Variants in RYR1 observed in about 807,000 individuals in gnomAD.
RYR1 encodes the protein central core disease of muscle.
A neutral mutation model predicts 583.5 loss-of-function variants in RYR1; 342 were observed. That is an observed-to-expected ratio of 0.59 (90% CI 0.54 to 0.64). The LOEUF is 0.64. Among genes scored for constraint, RYR1 ranks in the 30% least tolerant of loss-of-function variants. RYR1 has a pLI of 0.00. For missense variants in RYR1, 6,032 were observed against 6,917.2 expected (o/e 0.87, Z 4.54); for synonymous variants, 2,791 against 2,822.5 (o/e 0.99, Z 0.35).
rs1970081906 is a variant in RYR1 at position 38,500,853 on chromosome 19, TC to T, written c.7479del (p.Phe2494SerfsTer37). 1 of 1,501,816 alleles carries T rather than the reference TC, an allele frequency of 6.7e-7. No homozygotes were observed. Among genetic ancestry groups the T allele is most frequent in the Non-Finnish European group, 9.0e-7 (1 of 1,109,876 alleles). The allele number at this position is 1,501,816 out of a possible 1,614,324, so 93.0% of individuals were successfully genotyped here. A position where few individuals can be genotyped will look rare whatever the true frequency, so the allele number is the denominator to read the frequency against. On this transcript the variant is annotated frameshift_variant, in exon 47 of 106. Coordinates refer to ENST00000359596, the MANE Select transcript of RYR1 (RefSeq NM_000540.3). LOFTEE classifies it high-confidence loss of function. This position sits in a 1 kb window ranked among gnomAD's most constrained non-coding sequence, Gnocchi z 5.9. Reference protein sequence around the residue: ...GALVQPKMSASFVPDHKASMV... With the variant: ...GALVQPKMSAXFVPDHKASMV... ...TCTGGTGCAGCCAAAGATGTCAGCA[TC>T]CTTCGTGCCGGACCACAAGGCGTCC... is the stretch of plus-strand genomic sequence containing the variant.
chr19:38,517,452 G>A lies in RYR1; in HGVS notation c.9779G>A (p.Gly3260Asp), dbSNP rs1291603031. Residue 3260 changes from glycine (G) to aspartate (D), a missense_variant, in exon 66 of 106, where the codon GGT (glycine) becomes GAT (aspartate). Around this residue, in one of 11 missense-constraint regions of RYR1, gnomAD observed 1,493 missense variants for 1,715.5 expected, o/e 0.87. Transcript: ENST00000359596. ...GACATTGGGGGGCTGGCCGAGTCAG[G>A]TGCCCGCTACACAGAGATGCCGCAT... is the stretch of plus-strand genomic sequence containing the variant. ...MADIGGLAES[G>D]ARYTEMPHVI... 6.2e-7 allele frequency: 1 copy of A among 1,614,070 alleles called. No individual in the cohort carries two copies. The highest frequency in any genetic ancestry group is 1.7e-5 in the Admixed American group (1 of 60,010).
chr19:38,567,100 T>C, intron 92 of RYR1, 113 bp downstream of exon 92: 1 of 1,520,856 alleles, frequency 6.6e-7, no homozygotes, highest in Non-Finnish European at 8.8e-7. Flanking sequence ...GTCCTCGGCA[T>C]CACCCAGCCC....
intron 13 of RYR1, among the ~76,000 whole-genome samples, chr19:38,453,234 A>G (rs1343604176): frequency 1.3e-5 from 2 of 149,724 alleles, no homozygotes; most frequent in Non-Finnish European, 3.0e-5. Context: ...GCTGGTGGGC[A>G]GGACCTTTGG....
chr19:38,548,303 G>A lies in RYR1; in HGVS notation c.12165G>A (p.Glu4055=). Residue 4055 remains glutamate, a synonymous_variant, in exon 89 of 106, where the codon GAG becomes GAA. Coordinates refer to ENST00000359596, the MANE Select transcript of RYR1 (RefSeq NM_000540.3). The part of the protein sequence containing the change: ...DMLVESSSNV[E]MILKFFDMFL... ...TCGTGGAATCCTCATCCAATGTGGA[G>A]ATGATCCTCAAGTTCTTCGACATGT... 6.2e-7 allele frequency: 1 copy of A among 1,614,242 alleles called. No individual in the cohort carries two copies. The highest frequency in any genetic ancestry group is 8.5e-7 in the Non-Finnish European group (1 of 1,180,054).
Position 38,510,767 on chromosome 19 carries a change from G to C in RYR1, c.9108G>C (p.Lys3036Asn). ...GTGGCCACGCCTCTAACAAGGAGAA[G>C]GAAATGATCACCAGGTGGGCCGCCT... is the stretch of plus-strand genomic sequence containing the variant. Reference protein sequence around the residue: ...GSGGHASNKEKEMITSLFCKL... With the variant: ...GSGGHASNKENEMITSLFCKL... Residue 3036 changes from lysine (K) to asparagine (N), a missense_variant, in exon 60 of 106, where the codon AAG becomes AAC. Around this residue, in one of 11 missense-constraint regions of RYR1, gnomAD observed 1,493 missense variants for 1,715.5 expected, o/e 0.87. Coordinates refer to ENST00000359596, the MANE Select transcript of RYR1 (RefSeq NM_000540.3). 1 of 1,614,200 alleles carries C rather than the reference G, an allele frequency of 6.2e-7. No individual in the cohort carries two copies. The highest frequency in any genetic ancestry group is 8.5e-7 in the Non-Finnish European group (1 of 1,180,036).
intron 105 of RYR1, among the ~76,000 whole-genome samples, 192 bp downstream of exon 105, chr19:38,586,768 C>A (rs1019017329): frequency 2.6e-5 from 4 of 152,158 alleles, no homozygotes; most frequent in African/African-American, 9.7e-5. Context: ...GTCAGGAGTT[C>A]AAGACCAGCC....
At chr19:38,580,775 A>G (rs1974167778) in intron 101 of RYR1, among the ~76,000 whole-genome samples, 1 of 152,180 alleles carries the variant, frequency 6.6e-6, no homozygotes, top group Non-Finnish European at 1.5e-5. Flanking sequence ...TGGTCCCAGC[A>G]GTTTGAGGCT....
intron 66 of RYR1, 24 bp downstream of exon 66, chr19:38,517,715 C>CT (rs1421470157): frequency 3.7e-6 from 6 of 1,608,318 alleles, no homozygotes; most frequent in Non-Finnish European, 5.1e-6. Flanking sequence ...CACTGGGCCT[C>CT]TGAGGGGTGG....
In RYR1 at chr19:38,448,635, C is replaced by G. The variant is rs759562023; in HGVS notation, c.958-14C>G. 1.1e-5 allele frequency: 17 copies of G among 1,614,050 alleles called. No individual in the cohort carries two copies. The African/African-American group carries it at 2.0e-4, about 19-fold the overall frequency. Reference sequence around the variant, plus strand: ...CAGGCAGAGGAGGCTGACCTGTGTCCCCTGCCCCTGTAGGAGAAGCTGGAT... The same window carrying G: ...CAGGCAGAGGAGGCTGACCTGTGTCGCCTGCCCCTGTAGGAGAAGCTGGAT... On this transcript the variant is annotated splice_polypyrimidine_tract_variant and intron_variant, in intron 10 of 105. Coordinates refer to ENST00000359596, the MANE Select transcript of RYR1 (RefSeq NM_000540.3).
chr19:38,528,742 C>A, intron 75 of RYR1, 47 bp downstream of exon 75: 1 of 1,596,238 alleles, frequency 6.3e-7, no homozygotes, highest in East Asian at 2.2e-5. Flanking sequence ...CTGGATAGGG[C>A]TGGGGCGGAG....
At chr19:38,552,770 A>G (rs1370935527) in intron 89 of RYR1, among the ~76,000 whole-genome samples, 1 of 152,170 alleles carries the variant, frequency 6.6e-6, no homozygotes, top group African/African-American at 2.4e-5. Flanking sequence ...TGGGGGTCTC[A>G]GCCCTACTCT....
intron 11 of RYR1, among the ~76,000 whole-genome samples, chr19:38,451,437 G>A (rs1967070081): frequency 6.6e-6 from 1 of 152,130 alleles, no homozygotes; most frequent in South Asian, 2.1e-4. Flanking sequence ...AGGTACAGGT[G>A]GAAAGGGTCT....
rs780827157 is a variant in RYR1, at chr19:38,496,823, A to T, written c.6797-37A>T. On this transcript the variant is annotated intron_variant, in intron 41 of 105. Transcript: ENST00000359596. The surrounding 1 kb of genome is among the most constrained non-coding windows in gnomAD (Gnocchi z 4.8). ...GCTTCCCAGAGGAGGCGAGACAAGC[A>T]GGAGTGAGATGTTCTCCCCACCTCT... 1.3e-6 allele frequency: 2 copies of T among 1,578,114 alleles called. No homozygotes were observed. The highest frequency in any genetic ancestry group is 4.5e-5 in the East Asian group (2 of 44,698).
At chr19:38,576,631 G>A (rs1014444787) in intron 97 of RYR1, among the ~76,000 whole-genome samples, 1 of 151,946 alleles carries the variant, frequency 6.6e-6, no homozygotes, top group Non-Finnish European at 1.5e-5. Context: ...GGACAACATG[G>A]CAAAACTGCA....
chr19:38,485,903 G>C lies in RYR1; in HGVS notation c.5248G>C (p.Gly1750Arg). ...ETRAITLFPP[G>R]RSTENGHPRH... ...CCGCGCCATCACGCTCTTCCCTCCTGGAAGGAGCACAGAAAATGGTCACCC... is the reference window on the plus strand; with the variant it reads ...CCGCGCCATCACGCTCTTCCCTCCTCGAAGGAGCACAGAAAATGGTCACCC... Residue 1750 changes from glycine to arginine, a missense_variant, in exon 34 of 106, where the codon GGA becomes CGA. Coordinates refer to ENST00000359596, the MANE Select transcript of RYR1 (RefSeq NM_000540.3). The C allele has an allele frequency of 6.2e-7, 1 of 1,613,762 alleles. No homozygotes were observed.
chr19:38,520,693 C>CAAAAAAAAAAAAAAAAAAACA (rs1971188606), intron 67 of RYR1, among the ~76,000 whole-genome samples: 1 of 46,886 alleles, frequency 2.1e-5, no homozygotes, highest in Non-Finnish European at 4.9e-5. Context: ...GGCTCCACCT[C>CAAAAAAAAAAAAAAAAAAACA]AAAAAAAAAA....
chr19:38,525,209 C>T (rs996586313), intron 70 of RYR1, 123 bp from the exon 71 acceptor site: 26 of 1,111,136 alleles, frequency 2.3e-5, no homozygotes, highest in Middle Eastern at 2.7e-4. Context: ...GAGGTGTCGT[C>T]GGCAGTTGGG....
chr19:38,521,254 G>A (rs1206229147), intron 67 of RYR1, among the ~76,000 whole-genome samples: 2 of 151,692 alleles, frequency 1.3e-5, no homozygotes, highest in African/African-American at 2.4e-5. Flanking sequence ...TGATCACACC[G>A]CTGCACTCCA....
intron 89 of RYR1, among the ~76,000 whole-genome samples, chr19:38,559,436 G>A (rs1305082139): frequency 6.6e-6 from 1 of 151,930 alleles, no homozygotes; most frequent in African/African-American, 2.4e-5. Context: ...GTTTCACCAT[G>A]TTGTCCAGGC....
Sources: gnomAD v4.1 joint callset for allele counts (sites outside exome capture counted in the v4.1 genomes callset) on GRCh38, gnomAD v4.1.1 for gene constraint, gnomAD v4.1.1 regional missense constraint, Gnocchi (gnomAD v3.1) non-coding constraint, MANE v1.5 for transcripts, NCBI Gene and HGNC (gene_info 2026-07-23, HGNC 2026-07-21) for gene names.